DNAH12: variants seen among roughly 807,000 people sequenced by gnomAD.
DNAH12 encodes dynein axonemal heavy chain 12, also known as axonemal beta dynein heavy chain 12.
A neutral mutation model predicts 371.5 loss-of-function variants in DNAH12; 285 were observed. That is an observed-to-expected ratio of 0.77 (90% CI 0.70 to 0.85). DNAH12 has a LOEUF of 0.85. Among genes scored for constraint, DNAH12 ranks in the 40% least tolerant of loss-of-function variants. DNAH12 has a pLI of 0.00. For synonymous variants in DNAH12, 1,200 were observed against 1,213.0 expected, an observed-to-expected ratio of 0.99 and a Z score of 0.22; for missense variants, 3,611 against 3,689.4, an observed-to-expected ratio of 0.98 and a Z score of 0.55.
At chr3:57,389,822 G>GTGTGTATATATATATATATATA (rs1326306277) in intron 45 of DNAH12, among the ~76,000 whole-genome samples, 1 of 45,816 alleles carries the variant, frequency 2.2e-5, no homozygotes, top group Non-Finnish European at 7.1e-5. Context: ...GTGTGTGTGT[G>GTGTGTATATATATATATATATA]TATATATATA....
chr3:57,486,618 T>C (rs1241522703), intron 12 of DNAH12, among the ~76,000 whole-genome samples: 1 of 152,120 alleles, frequency 6.6e-6, no homozygotes, highest in Non-Finnish European at 1.5e-5. Flanking sequence ...TAAGGAAAAT[T>C]CTAAATATAG....
intron 40 of DNAH12, among the ~76,000 whole-genome samples, chr3:57,406,425 G>A (rs1553681306): frequency 6.6e-6 from 1 of 151,362 alleles, no homozygotes. Context: ...AGCTTAGCAT[G>A]GCATATATGT....
rs1305627755 is a variant in DNAH12 at position 57,378,783 on chromosome 3, T to C, written c.8223+375A>G. Among the ~76,000 whole-genome samples, 4 of 152,328 alleles carry C rather than the reference T, an allele frequency of 2.6e-5. No individual in the cohort carries two copies. The East Asian group carries it at 7.7e-4, about 29-fold the overall frequency. On this transcript the variant is annotated intron_variant, in intron 52 of 73. Transcript: ENST00000495027. ...GCCTCTTAACTCTGCTGGATCCTCT[T>C]ACTTCTGATCCTTTGAATCAACTTT...
Position 57,310,757 on chromosome 3 carries a change from G to A in DNAH12, c.10856C>T (p.Pro3619Leu). ...GTAGTCCTCATAAGTGCCTTTAGGA[G>A]GTGCAAAATAGTTTCCACTGGGAGA... ...KFSPSGNYFAPPKGTYEDYIE... is the reference protein window; with the variant it reads ...KFSPSGNYFALPKGTYEDYIE... Residue 3619 changes from proline (P) to leucine (L), a missense_variant, in exon 67 of 74, where the codon CCT (proline) becomes CTT (leucine). Pro to Leu is a moderately conservative substitution (Grantham distance 98). This residue lies in a region of DNAH12 where 2,266 missense variants were observed against 2,236.9 expected (regional missense o/e 1.01). Coordinates refer to ENST00000495027, the MANE Select transcript of DNAH12 (RefSeq NM_001366028.2). The A allele has an allele frequency of 3.2e-6, 5 of 1,551,584 alleles. No homozygotes were observed. The highest frequency in any genetic ancestry group is 4.4e-6 in the Non-Finnish European group (5 of 1,146,940).
intron 45 of DNAH12, among the ~76,000 whole-genome samples, chr3:57,388,882 C>T (rs1230051481): frequency 1.5e-5 from 2 of 131,690 alleles, no homozygotes; most frequent in Admixed American, 9.3e-5. Flanking sequence ...GGGTGGGGAA[C>T]GTCACACACC....
In DNAH12 at chr3:57,445,273, C is replaced by T. The variant is rs1291796209; in HGVS notation, c.4326G>A (p.Ser1442=). The change falls in exon 28 of 74, where the codon TCG becomes TCA. Residue 1442 remains serine (S), a synonymous_variant. Transcript: ENST00000495027. ...TYRLCSEQLS[S]QFHYDYGMRA... ...GCATTCCATAGTCGTAATGAAATTGCGATGAGAGCTGCTCTGAGCAAAGCC... is the reference window on the plus strand; with the variant it reads ...GCATTCCATAGTCGTAATGAAATTGTGATGAGAGCTGCTCTGAGCAAAGCC... The T allele has an allele frequency of 3.2e-6, 5 of 1,551,116 alleles. No homozygotes were observed. The highest frequency in any genetic ancestry group is 2.4e-5 in the South Asian group (2 of 83,994).
At chr3:57,537,148 C>T (rs1222544449) in intron 2 of DNAH12, among the ~76,000 whole-genome samples, 1 of 151,902 alleles carries the variant, frequency 6.6e-6, no homozygotes, top group Admixed American at 6.6e-5. Flanking sequence ...GAACAGAGAT[C>T]GCACCACTGC....
intron 34 of DNAH12, among the ~76,000 whole-genome samples, chr3:57,427,031 TTTTC>T (rs2153364229): frequency 6.6e-6 from 1 of 152,212 alleles, no homozygotes; most frequent in Non-Finnish European, 1.5e-5. Context: ...TTGCTCATTT[TTTTC>T]TTTTAAATGG....
chr3:57,365,230 TG>T (rs2063023379), intron 57 of DNAH12, among the ~76,000 whole-genome samples: 1 of 152,136 alleles, frequency 6.6e-6, no homozygotes, highest in Admixed American at 6.5e-5. Flanking sequence ...AACTATAGAC[TG>T]GATAAAGAAA....
chr3:57,368,161 A>G lies in DNAH12; in HGVS notation c.8859T>C (p.Tyr2953=), dbSNP rs1294724082. 6.6e-6 allele frequency: 1 copy of G among 152,246 alleles called. No homozygotes were observed. Among genetic ancestry groups the G allele is most frequent in the Non-Finnish European group, 1.5e-5 (1 of 68,044 alleles). The allele number at this position is 152,246 out of a possible 1,614,324, so 9.4% of individuals were successfully genotyped here. ...GAATACAGTTTTCCAATGTTCTCAT[A>G]TAGTCTGAATCTGATAGCTTAATAA... ...LSVIKLSDSD[Y]MRTLENCIQF... is the part of the protein sequence containing the mutation. Residue 2953 remains tyrosine, a synonymous_variant, in exon 56 of 74, where the codon TAT becomes TAC. Coordinates refer to ENST00000495027, the MANE Select transcript of DNAH12 (RefSeq NM_001366028.2).
intron 15 of DNAH12, 114 bp downstream of exon 15, chr3:57,471,358 G>C (rs2066361425): frequency 8.7e-6 from 8 of 923,506 alleles, no homozygotes; most frequent in African/African-American, 3.5e-5. Flanking sequence ...GAAAAATATA[G>C]AGTAAACATA....
intron 9 of DNAH12, 140 bp from the exon 10 acceptor site, chr3:57,502,619 G>C: frequency 1.2e-6 from 1 of 837,456 alleles, no homozygotes; most frequent in East Asian, 2.9e-5. Flanking sequence ...GTGCGATCTC[G>C]GCTCACTGCA....
At chr3:57,408,143 G>T (rs782015702) in intron 40 of DNAH12, 137 bp downstream of exon 40, 38 of 953,838 alleles carry the variant, frequency 4.0e-5, no homozygotes, top group Non-Finnish European at 5.1e-5. Flanking sequence ...CAAATCCTGT[G>T]ATCTTCCTAT....
intron 16 of DNAH12, 88 bp downstream of exon 16, chr3:57,470,355 A>T: frequency 1.5e-6 from 2 of 1,296,592 alleles, no homozygotes; most frequent in Non-Finnish European, 1.0e-6. Flanking sequence ...TCCTACTTTT[A>T]AACACTTAAC....
rs1274828434 is a variant in DNAH12 at position 57,295,738 on chromosome 3, G to A, written c.11625-146C>T. On this transcript the variant is annotated intron_variant, in intron 72 of 73. Coordinates refer to ENST00000495027, the MANE Select transcript of DNAH12 (RefSeq NM_001366028.2). ...ATGTAAAAAAAGAAAATGAGAAAATGGCAATGAAGAATTGAGAGAAACAAA... is the reference window on the plus strand; with the variant it reads ...ATGTAAAAAAAGAAAATGAGAAAATAGCAATGAAGAATTGAGAGAAACAAA... 9 of 674,162 alleles carry A rather than the reference G, an allele frequency of 1.3e-5. No homozygotes were observed. The South Asian group carries it at 2.8e-4, about 21-fold the overall frequency. The allele number at this position is 674,162 out of a possible 1,614,324, so 41.8% of individuals were successfully genotyped here.
intron 29 of DNAH12, among the ~76,000 whole-genome samples, chr3:57,442,195 G>GT (rs1326165012): frequency 6.6e-6 from 1 of 151,932 alleles, no homozygotes; most frequent in African/African-American, 2.4e-5. Flanking sequence ...ACTAAAGGAA[G>GT]TTTTTTAGGT....
In DNAH12 at chr3:57,396,398, AT is replaced by A. The variant is rs1263549371; in HGVS notation, c.6949-2067del. Among the ~76,000 whole-genome samples, 6 of 149,272 alleles carry A rather than the reference AT, an allele frequency of 4.0e-5. No individual in the cohort carries two copies. The East Asian group carries it at 5.9e-4, about 15-fold the overall frequency. ...ACTTATTGTCATGAGCATCATCGTG[AT>A]TTTTTTTTTGTTTTTTGAGACAGAG... On this transcript the variant is annotated intron_variant, in intron 43 of 73. Coordinates refer to ENST00000495027, the MANE Select transcript of DNAH12 (RefSeq NM_001366028.2).
At chr3:57,299,427 T>C (rs916420984) in intron 70 of DNAH12, among the ~76,000 whole-genome samples, 1 of 152,130 alleles carries the variant, frequency 6.6e-6, no homozygotes, top group Non-Finnish European at 1.5e-5. Context: ...AGTAACTTGC[T>C]AAAAGTCACA....
chr3:57,408,998 T>C (rs555830100), intron 39 of DNAH12, among the ~76,000 whole-genome samples: 1 of 152,348 alleles, frequency 6.6e-6, no homozygotes, highest in African/African-American at 2.4e-5. Flanking sequence ...GTTTGAACAC[T>C]AAGTTATATA....
Sources: gnomAD v4.1 joint callset for allele counts (sites outside exome capture counted in the v4.1 genomes callset) on GRCh38, gnomAD v4.1.1 for gene constraint, gnomAD v4.1.1 regional missense constraint, MANE v1.5 for transcripts, NCBI Gene and HGNC (gene_info 2026-07-23, HGNC 2026-07-21) for gene names.